Variants in POT1 observed in about 807,000 individuals in gnomAD.
POT1 encodes protection of telomeres 1.
POT1 carries 47 observed loss-of-function variants against 78.5 expected under a neutral mutation model. The ratio of observed to expected loss-of-function variants is 0.60; its 90% CI spans 0.47 to 0.76. The LOEUF (loss-of-function observed/expected upper bound fraction) is 0.76. POT1 is among the 30% of genes least tolerant of loss of function. The probability of loss-of-function intolerance (pLI) is 0.00; values close to 1 mark genes in which losing one functional copy is unlikely to be tolerated. For missense variants in POT1, 646 were observed against 749.9 expected (o/e 0.86, Z 1.62); for synonymous variants, 259 against 260.7 (o/e 0.99, Z 0.06).
chr7:124,880,039 T>C (rs1466964106), intron 6 of POT1, among the ~76,000 whole-genome samples: 2 of 152,138 alleles, frequency 1.3e-5, no homozygotes, highest in African/African-American at 4.8e-5. Context: ...TAGTGTCACT[T>C]GAACCTGTTT....
At chr7:124,873,351 CATTT>C (rs1356297000) in intron 6 of POT1, among the ~76,000 whole-genome samples, 1 of 152,140 alleles carries the variant, frequency 6.6e-6, no homozygotes, top group Non-Finnish European at 1.5e-5. Context: ...ACTTTTTCTG[CATTT>C]ATTAAAATGA....
At chr7:124,838,136 A>G (rs1257348865) in intron 14 of POT1, among the ~76,000 whole-genome samples, 3 of 152,192 alleles carry the variant, frequency 2.0e-5, no homozygotes, top group African/African-American at 7.2e-5. Context: ...CTGGGATAAA[A>G]GCAAGAACAT....
rs749702835 is a variant in POT1, at chr7:124,827,182, T to C, written c.1686+32A>G. On this transcript the variant is annotated intron_variant, in intron 17 of 18. Transcript: ENST00000357628. ...CAATTTTTTAAATATTATTTTTTAATTAAAAATATCTTTATTACCTCTGAT... is the reference window on the plus strand; with the variant it reads ...CAATTTTTTAAATATTATTTTTTAACTAAAAATATCTTTATTACCTCTGAT... 126 of 1,237,644 alleles carry C rather than the reference T, an allele frequency of 1.0e-4. No individual in the cohort carries two copies. The highest frequency in any genetic ancestry group is 1.4e-4 in the South Asian group (7 of 50,248). 76.7% of individuals were successfully genotyped at this position (1,237,644 alleles called of 1,614,324 possible).
chr7:124,826,940 A>C (rs1794645074), intron 17 of POT1, among the ~76,000 whole-genome samples: 1 of 152,200 alleles, frequency 6.6e-6, no homozygotes, highest in Non-Finnish European at 1.5e-5. Context: ...ATGCTTCCAT[A>C]GTGTGGCCGT....
intron 9 of POT1, among the ~76,000 whole-genome samples, chr7:124,857,819 G>T (rs548143951): frequency 6.6e-6 from 1 of 152,132 alleles, no homozygotes; most frequent in African/African-American, 2.4e-5. Context: ...CACAAGTGTG[G>T]TGTGAGTCAG....
intron 6 of POT1, among the ~76,000 whole-genome samples, chr7:124,877,516 T>C (rs1192412261): frequency 6.6e-6 from 1 of 151,084 alleles, no homozygotes; most frequent in Non-Finnish European, 1.5e-5. Context: ...GAAAGGGAGC[T>C]GATAAGAAAG....
At position 124,842,949 on chromosome 7, in the gene POT1, G is replaced by C. The variant is rs767757297; in HGVS notation, c.1021C>G (p.Gln341Glu). 1.1e-5 allele frequency: 18 copies of C among 1,581,526 alleles called. No homozygotes were observed. The highest frequency in any genetic ancestry group is 1.5e-5 in the Non-Finnish European group (18 of 1,169,030). ...CATAGTGGTGTCCTCTCCAAATACT[G>C]ATGATCTGTAAGTACTGTAAAGAAT... is the stretch of plus-strand genomic sequence containing the variant. ...QLSATILTDH[Q>E]YLERTPLCAI... Residue 341 changes from glutamine to glutamate, a missense_variant, in exon 13 of 19, where the codon CAG becomes GAG. By Grantham distance (29) the Gln-to-Glu change is conservative (BLOSUM62 2). Transcript: ENST00000357628.
At chr7:124,855,477 A>G (rs1584767504) in intron 9 of POT1, among the ~76,000 whole-genome samples, 1 of 151,870 alleles carries the variant, frequency 6.6e-6, no homozygotes, top group African/African-American at 2.4e-5. Context: ...TTATGGAGGC[A>G]GCATTGTATT....
chr7:124,913,711 T>C (rs1796946859), intron 3 of POT1, among the ~76,000 whole-genome samples: 1 of 148,256 alleles, frequency 6.7e-6, no homozygotes, highest in African/African-American at 2.5e-5. Context: ...TGTCTCATTA[T>C]TATTTGTTGA....
chr7:124,830,792 C>T (rs1011877976), intron 15 of POT1, among the ~76,000 whole-genome samples: 9 of 151,758 alleles, frequency 5.9e-5, no homozygotes, highest in African/African-American at 1.9e-4. Context: ...ACCTATAAAG[C>T]AATTACCAAA....
chr7:124,876,713 A>G (rs1795999151), intron 6 of POT1, among the ~76,000 whole-genome samples: 1 of 151,888 alleles, frequency 6.6e-6, no homozygotes, highest in Non-Finnish European at 1.5e-5. Context: ...TTCATGTGGC[A>G]AGAATGGGCC....
At chr7:124,852,485 A>T (rs1795334581) in intron 10 of POT1, among the ~76,000 whole-genome samples, 1 of 152,190 alleles carries the variant, frequency 6.6e-6, no homozygotes, top group South Asian at 2.1e-4. Flanking sequence ...ATCTAAATAT[A>T]TAGCAGGTCT....
At chr7:124,896,856 T>C (rs571025212) in intron 5 of POT1, among the ~76,000 whole-genome samples, 1 of 151,782 alleles carries the variant, frequency 6.6e-6, no homozygotes, top group Non-Finnish European at 1.5e-5. Context: ...CTATGGTTTA[T>C]AACAAAAATT....
intron 6 of POT1, among the ~76,000 whole-genome samples, chr7:124,885,855 A>C (rs1796232919): frequency 6.6e-6 from 1 of 152,130 alleles, no homozygotes; most frequent in Admixed American, 6.5e-5. Flanking sequence ...TTGCTTCTAA[A>C]ATATGTGAGG....
chr7:124,900,142 T>A (rs1249054725), intron 3 of POT1, among the ~76,000 whole-genome samples: 3 of 152,174 alleles, frequency 2.0e-5, no homozygotes, highest in East Asian at 1.9e-4. Context: ...AAAAACTGCA[T>A]TGAAGGCCCT....
chr7:124,908,944 A>AT (rs1796828169), intron 3 of POT1, among the ~76,000 whole-genome samples: 1 of 151,844 alleles, frequency 6.6e-6, no homozygotes, highest in African/African-American at 2.4e-5. Flanking sequence ...AAACATCTTC[A>AT]TTTTTCAGAT....
At chr7:124,886,426 G>T (rs1041809310) in intron 6 of POT1, among the ~76,000 whole-genome samples, 1 of 151,940 alleles carries the variant, frequency 6.6e-6, no homozygotes, top group African/African-American at 2.4e-5. Flanking sequence ...ACTAATGAAG[G>T]TTATCTTTTC....
intron 6 of POT1, among the ~76,000 whole-genome samples, chr7:124,880,874 C>G (rs1796101448): frequency 6.6e-6 from 1 of 152,032 alleles, no homozygotes; most frequent in Admixed American, 6.6e-5. Context: ...TACACACACA[C>G]AATTCTATTA....
intron 14 of POT1, among the ~76,000 whole-genome samples, chr7:124,839,162 CAAAG>C (rs1794967369): frequency 6.6e-6 from 1 of 151,834 alleles, no homozygotes; most frequent in Admixed American, 6.6e-5. Flanking sequence ...ACTGGTTTGA[CAAAG>C]AAGCAAAGGC....
Sources: allele counts gnomAD v4.1 joint callset (sites outside exome capture counted in the v4.1 genomes callset), GRCh38; gene constraint gnomAD v4.1.1; transcripts MANE v1.5; gene names NCBI Gene and HGNC (gene_info 2026-07-23, HGNC 2026-07-21).